The following NKAIN3 variants were observed in gnomAD, a reference collection of about 807,000 sequenced individuals.
NKAIN3 encodes the protein sodium/potassium transporting ATPase interacting 3.
A neutral mutation model predicts 30.2 loss-of-function variants in NKAIN3; 25 were observed. The ratio of observed to expected loss-of-function variants is 0.83; its 90% confidence interval spans 0.60 to 1.16. The LOEUF (loss-of-function observed/expected upper bound fraction) is 1.16, where lower values mean the gene tolerates loss of function less well. Ranked by LOEUF, NKAIN3 falls within the 50% of genes most tolerant of loss-of-function variation. The pLI, the probability that NKAIN3 is intolerant of heterozygous loss-of-function variation, is 0.00. For missense variants in NKAIN3, 225 were observed against 254.1 expected, an observed-to-expected ratio of 0.89 and a Z score of 0.78; for synonymous variants, 91 against 89.6, an observed-to-expected ratio of 1.02 and a Z score of -0.09.
At chr8:62,754,053 T>A (rs768284697) in intron 4 of NKAIN3, among the ~76,000 whole-genome samples, 4 of 152,112 alleles carry the variant, frequency 2.6e-5, no homozygotes, top group African/African-American at 4.8e-5. Flanking sequence ...AAAAAAATGT[T>A]TTTACACATT....
intron 1 of NKAIN3, among the ~76,000 whole-genome samples, chr8:62,541,230 C>G (rs556976554): frequency 2.0e-5 from 3 of 151,976 alleles, no homozygotes; most frequent in Admixed American, 2.0e-4. Context: ...GGCAGGAGAA[C>G]TGCTAGAACC....
intron 5 of NKAIN3, among the ~76,000 whole-genome samples, chr8:62,923,773 T>TG (rs1238600272): frequency 6.6e-6 from 1 of 152,140 alleles, no homozygotes; most frequent in African/African-American, 2.4e-5. Flanking sequence ...CCAGCAGGGT[T>TG]GTAACCTCGG....
At chr8:62,589,884 T>TGTGTGC (rs2130104317) in intron 3 of NKAIN3, 90 bp downstream of exon 3, 1 of 96,096 alleles carries the variant, frequency 1.0e-5, no homozygotes. Flanking sequence ...ATTGTGTGTG[T>TGTGTGC]GTGTGTGTGT....
chr8:62,548,765 A>AAT (rs1189426221), intron 1 of NKAIN3, among the ~76,000 whole-genome samples: 7 of 150,736 alleles, frequency 4.6e-5, no homozygotes, highest in Non-Finnish European at 7.4e-5. Flanking sequence ...AGTTTATAAA[A>AAT]ATATATATAA....
At position 62,982,116 on chromosome 8, in the gene NKAIN3, G is replaced by C. The variant is rs543761702; in HGVS notation, c.*16709G>C. 2.0e-5 allele frequency: 3 copies of C among 152,246 alleles called. No homozygotes were observed. Among genetic ancestry groups the C allele is most frequent in the South Asian group, 2.1e-4 (1 of 4,828 alleles). The allele number at this position is 152,246 out of a possible 1,614,324, so 9.4% of individuals were successfully genotyped here. ...TTTTATGGGGATAGTTAAGGTAAGA[G>C]CCTGCAGGCAGCACTGTATTGCTTT... On this transcript the variant is annotated 3_prime_UTR_variant, in exon 7 of 7. Transcript: ENST00000623646.
chr8:62,482,136 T>A (rs1806742608), intron 1 of NKAIN3: 1 of 152,258 alleles, frequency 6.6e-6, no homozygotes, highest in Admixed American at 6.5e-5. Flanking sequence ...CACTGTTGGT[T>A]ATCGTTTTCT....
chr8:62,855,170 C>T (rs1820024102), intron 4 of NKAIN3: 1 of 253,618 alleles, frequency 3.9e-6, no homozygotes, highest in African/African-American at 2.2e-5. Flanking sequence ...CAGAAAGCCT[C>T]AAAAATGTAA....
chr8:62,904,378 C>A (rs1403921056), intron 4 of NKAIN3, among the ~76,000 whole-genome samples: 1 of 152,166 alleles, frequency 6.6e-6, no homozygotes. Context: ...CCAAAGTTAA[C>A]CCATAAATGA....
At chr8:62,435,322 G>C (rs1805134177) in intron 1 of NKAIN3, among the ~76,000 whole-genome samples, 1 of 152,064 alleles carries the variant, frequency 6.6e-6, no homozygotes, top group Non-Finnish European at 1.5e-5. Flanking sequence ...TCTGACACCT[G>C]AAGGTTATGG....
intron 1 of NKAIN3, among the ~76,000 whole-genome samples, chr8:62,500,445 G>GAAGA (rs1807394585): frequency 9.1e-6 from 1 of 110,322 alleles, no homozygotes; most frequent in East Asian, 2.4e-4. Flanking sequence ...AAGAAAGAAA[G>GAAGA]AAAGAAAGAA....
intron 2 of NKAIN3, among the ~76,000 whole-genome samples, chr8:62,582,597 G>A (rs1810341624): frequency 6.6e-6 from 1 of 152,122 alleles, no homozygotes; most frequent in Non-Finnish European, 1.5e-5. Flanking sequence ...GAACAAGGGA[G>A]TGAAGGGGGG....
chr8:62,835,681 CA>C (rs1406456856), intron 4 of NKAIN3, among the ~76,000 whole-genome samples: 5 of 152,014 alleles, frequency 3.3e-5, no homozygotes, highest in African/African-American at 9.6e-5. Flanking sequence ...ATTAGGAAGT[CA>C]AAAAACAACA....
At chr8:62,400,054 AT>A (rs563080833) in intron 1 of NKAIN3, among the ~76,000 whole-genome samples, 1 of 151,344 alleles carries the variant, frequency 6.6e-6, no homozygotes, top group Non-Finnish European at 1.5e-5. Flanking sequence ...GAGGAGGAAC[AT>A]TTTTTTGTTT....
At chr8:62,804,102 G>A (rs1818181132) in intron 4 of NKAIN3, among the ~76,000 whole-genome samples, 1 of 152,132 alleles carries the variant, frequency 6.6e-6, no homozygotes, top group South Asian at 2.1e-4. Flanking sequence ...AACAGGCTCT[G>A]AAATTGTGGC....
chr8:62,898,307 C>A (rs1346998475), intron 4 of NKAIN3, among the ~76,000 whole-genome samples: 2 of 152,040 alleles, frequency 1.3e-5, no homozygotes, highest in Non-Finnish European at 2.9e-5. Flanking sequence ...AGATATGAAA[C>A]CAACCTAAGT....
chr8:62,886,531 T>C (rs1821153168), intron 4 of NKAIN3, among the ~76,000 whole-genome samples: 1 of 152,168 alleles, frequency 6.6e-6, no homozygotes, highest in Non-Finnish European at 1.5e-5. Context: ...AAGAATTTCT[T>C]GTCAACAAAT....
In NKAIN3 at chr8:62,970,935, C is replaced by T. The variant is rs1251678144; in HGVS notation, c.*5528C>T. On this transcript the variant is annotated 3_prime_UTR_variant, in exon 7 of 7. Transcript: ENST00000623646. ...TCTATATTAGTTAGGATTAGGTTTA[C>T]CTACAAGTAACAGAAAAAGAAAAAT... is the stretch of plus-strand genomic sequence containing the variant. Among the ~76,000 whole-genome samples, 2 of 152,102 alleles carry T rather than the reference C, an allele frequency of 1.3e-5. No homozygotes were observed. The highest frequency in any genetic ancestry group is 3.9e-4 in the East Asian group (2 of 5,178).
chr8:62,558,761 G>T (rs1809481914), intron 1 of NKAIN3, among the ~76,000 whole-genome samples: 1 of 151,396 alleles, frequency 6.6e-6, no homozygotes, highest in Non-Finnish European at 1.5e-5. Context: ...AGGTTTTTCA[G>T]GTGGGAGCCC....
intron 3 of NKAIN3, among the ~76,000 whole-genome samples, chr8:62,617,848 T>C (rs1811507206): frequency 6.6e-6 from 1 of 152,226 alleles, no homozygotes; most frequent in Non-Finnish European, 1.5e-5. Flanking sequence ...AGAAGTGTTC[T>C]GTCTTATCTA....
Sources: allele counts gnomAD v4.1 joint callset (sites outside exome capture counted in the v4.1 genomes callset), GRCh38; gene constraint gnomAD v4.1.1; transcripts MANE v1.5; gene names NCBI Gene and HGNC (gene_info 2026-07-23, HGNC 2026-07-21).